Variants in PRH1 observed in about 807,000 individuals in gnomAD.
PRH1 encodes salivary acidic proline-rich phosphoprotein 1/2.
Under a neutral mutation model 7.9 loss-of-function variants are expected in PRH1, and 7 were observed. That is an observed-to-expected ratio of 0.89 (90% confidence interval 0.50 to 1.67). The LOEUF (loss-of-function observed/expected upper bound fraction) is 1.67, where lower values mean the gene tolerates loss of function less well. Among genes scored for constraint, PRH1 ranks in the 40% most tolerant of loss-of-function variants. The pLI is 0.00. For synonymous variants in PRH1, 45 were observed against 80.8 expected, an observed-to-expected ratio of 0.56 and a Z score of 2.38; for missense variants, 109 against 223.6, an observed-to-expected ratio of 0.49 and a Z score of 3.27.
chr12:11,159,993 T>C (rs1947365560), intron 1 of PRH1, among the ~76,000 whole-genome samples: 1 of 152,202 alleles, frequency 6.6e-6, no homozygotes, highest in Non-Finnish European at 1.5e-5. Context: ...TGTCTATTTA[T>C]CTTCAGCATC....
intron 1 of PRH1, among the ~76,000 whole-genome samples, chr12:11,018,679 AGTGAAC>A (rs1941421667): frequency 7.4e-6 from 1 of 135,736 alleles, no homozygotes; most frequent in Non-Finnish European, 1.7e-5. Flanking sequence ...TGGAGCAGAA[AGTGAAC>A]GTTTTATAAA....
chr12:10,919,171 G>A (rs1950012635), intron 2 of PRH1, among the ~76,000 whole-genome samples: 1 of 151,954 alleles, frequency 6.6e-6, no homozygotes, highest in South Asian at 2.1e-4. Flanking sequence ...ATTTCAAATT[G>A]CAATATTGTT....
At chr12:11,137,467 G>T (rs1946588909) in intron 1 of PRH1, among the ~76,000 whole-genome samples, 2 of 152,114 alleles carry the variant, frequency 1.3e-5, no homozygotes, top group African/African-American at 4.8e-5. Context: ...AAGATCTGAG[G>T]TCTTACCTCT....
intron 1 of PRH1, among the ~76,000 whole-genome samples, chr12:11,024,390 C>T (rs1941808076): frequency 6.6e-6 from 1 of 152,232 alleles, no homozygotes; most frequent in African/African-American, 2.4e-5. Flanking sequence ...TTCTAATTCC[C>T]TACACCTTTC....
chr12:11,082,510 T>C (rs1282438556), intron 1 of PRH1, among the ~76,000 whole-genome samples: 1 of 113,730 alleles, frequency 8.8e-6, no homozygotes, highest in Non-Finnish European at 2.1e-5. Context: ...TTCATCATGT[T>C]GGCCAGGCTG....
intron 1 of PRH1, among the ~76,000 whole-genome samples, chr12:11,064,702 T>G (rs1219833476): frequency 2.0e-5 from 3 of 152,204 alleles, no homozygotes; most frequent in Non-Finnish European, 4.4e-5. Context: ...AACATTCATT[T>G]AGAATTATGC....
intron 2 of PRH1, among the ~76,000 whole-genome samples, chr12:10,922,831 C>CTTTTTTTTTTTTTTTTT (rs202084629): frequency 1.7e-5 from 2 of 119,258 alleles, no homozygotes; most frequent in East Asian, 5.8e-4. Flanking sequence ...TTTTCTTTTT[C>CTTTTTTTTTTTTTTTTT]TTTTTTTTGA....
downstream of PRH1, among the ~76,000 whole-genome samples, chr12:11,120,466 G>A (rs1379654342): frequency 1.3e-5 from 2 of 152,086 alleles, no homozygotes; most frequent in Non-Finnish European, 2.9e-5. Flanking sequence ...CCTAAACTCA[G>A]TCCTCTGTTA....
intron 1 of PRH1, chr12:11,022,504 G>A (rs779092684): frequency 9.9e-6 from 16 of 1,613,646 alleles, no homozygotes; most frequent in Non-Finnish European, 1.3e-5. Flanking sequence ...GAAGCCATTG[G>A]CAACATTTCC....
chr12:11,137,659 G>C (rs3953527), intron 1 of PRH1, among the ~76,000 whole-genome samples: 2,325 of 152,306 alleles, frequency 0.015, 19 homozygotes, highest in South Asian at 0.031. Flanking sequence ...ATTTGCTTAA[G>C]CAATGTATTG....
intron 1 of PRH1, among the ~76,000 whole-genome samples, chr12:11,167,051 G>GCATAC (rs1386172786): frequency 6.6e-6 from 1 of 152,176 alleles, no homozygotes; most frequent in Non-Finnish European, 1.5e-5. Context: ...ATCTCAAGGT[G>GCATAC]CATACCAATA....
intron 2 of PRH1, chr12:10,908,368 T>C: frequency 6.3e-7 from 1 of 1,598,176 alleles, no homozygotes; most frequent in African/African-American, 1.3e-5. Flanking sequence ...TCTGAATGGC[T>C]TATGAAATTG....
At chr12:10,948,059 CA>C (rs1474502280) in intron 2 of PRH1, among the ~76,000 whole-genome samples, 1 of 152,108 alleles carries the variant, frequency 6.6e-6, no homozygotes. Flanking sequence ...CTGCCTTTAA[CA>C]TTCTTTCTTT....
chr12:10,965,056 A>G, intron 2 of PRH1: 9 of 1,054,040 alleles, frequency 8.5e-6, no homozygotes, highest in Non-Finnish European at 1.3e-5. Flanking sequence ...TGAGGCTAGT[A>G]GCAACCCAGA....
At chr12:10,927,497 T>C (rs1950139556) in intron 2 of PRH1, among the ~76,000 whole-genome samples, 2 of 152,194 alleles carry the variant, frequency 1.3e-5, no homozygotes, top group Non-Finnish European at 2.9e-5. Flanking sequence ...AGAGAAGAAT[T>C]GCCAATTAAG....
chr12:11,056,912 T>A (rs1286812496), intron 1 of PRH1, among the ~76,000 whole-genome samples: 2 of 152,290 alleles, frequency 1.3e-5, no homozygotes, highest in African/African-American at 4.8e-5. Context: ...TGCTTTCCAT[T>A]TTACCTTTTT....
At chr12:11,124,622 T>C (rs1038828981) in intron 1 of PRH1, among the ~76,000 whole-genome samples, 4 of 151,754 alleles carry the variant, frequency 2.6e-5, no homozygotes, top group Non-Finnish European at 2.9e-5. Flanking sequence ...TTTCCCACAA[T>C]GATATCTCTT....
chr12:11,021,516 T>G (rs928944847), intron 1 of PRH1: 1 of 506,042 alleles, frequency 2.0e-6, no homozygotes, highest in African/African-American at 3.0e-5. Flanking sequence ...TATATGACTT[T>G]TCTAGGTATC....
At chr12:10,999,390 A>G (rs182290941) in intron 1 of PRH1, among the ~76,000 whole-genome samples, 115 of 152,316 alleles carry the variant, frequency 7.6e-4, no homozygotes, top group African/African-American at 2.8e-3. Flanking sequence ...CAACTAAAAT[A>G]AGAATTCACT....
Sources: gnomAD v4.1 joint callset for allele counts (sites outside exome capture counted in the v4.1 genomes callset) on GRCh38, gnomAD v4.1.1 for gene constraint, MANE v1.5 for transcripts, NCBI Gene and HGNC (gene_info 2026-07-23, HGNC 2026-07-21) for gene names.